IGF1: variants seen among roughly 807,000 people sequenced by gnomAD.
IGF1 encodes insulin-like growth factor 1.
IGF1 carries 4 observed loss-of-function variants against 13.8 expected under a neutral mutation model. That is an observed-to-expected ratio of 0.29 (90% CI 0.14 to 0.66). IGF1 has a LOEUF of 0.66. Ranked by LOEUF, IGF1 falls within the 30% of genes least tolerant of loss-of-function variation. The pLI is 0.78. For synonymous variants in IGF1, 76 were observed against 72.6 expected (o/e 1.05, Z -0.23); for missense variants, 124 against 188.5 (o/e 0.66, Z 2.00).
chr12:102,432,955 GTA>G (rs1876871151), intron 2 of IGF1, among the ~76,000 whole-genome samples: 1 of 152,124 alleles, frequency 6.6e-6, no homozygotes. Context: ...CTTCTCTGGG[GTA>G]GGGAGAGAGG....
chr12:102,474,995 A>G (rs1260586670), intron 2 of IGF1, among the ~76,000 whole-genome samples: 1 of 152,226 alleles, frequency 6.6e-6, no homozygotes, highest in African/African-American at 2.4e-5. Flanking sequence ...GTCCCGGAGA[A>G]GAACTATGCC....
chr12:102,480,585 A>G, upstream of IGF1: 2 of 1,412,894 alleles, frequency 1.4e-6, no homozygotes, highest in Non-Finnish European at 1.8e-6. Context: ...GAAAATCCTC[A>G]CATTTATCTA....
chr12:102,463,123 T>G (rs1428238922), intron 2 of IGF1: 4 of 152,210 alleles, frequency 2.6e-5, no homozygotes, highest in African/African-American at 9.6e-5. Context: ...TTTGGCAGTG[T>G]GGCAGCTGAT....
At chr12:102,426,555 C>T in intron 2 of IGF1, among the ~76,000 whole-genome samples, 1 of 152,142 alleles carries the variant, frequency 6.6e-6, no homozygotes, top group East Asian at 1.9e-4. Context: ...AATGTCCAAA[C>T]TTTATGTTGT....
chr12:102,465,269 G>A (rs555625973), intron 2 of IGF1, among the ~76,000 whole-genome samples: 19 of 152,310 alleles, frequency 1.2e-4, no homozygotes, highest in Non-Finnish European at 2.5e-4. Flanking sequence ...AAGGCAAAAA[G>A]CATCCAATTC....
At chr12:102,469,447 T>C (rs535500216) in intron 2 of IGF1, among the ~76,000 whole-genome samples, 2 of 152,338 alleles carry the variant, frequency 1.3e-5, no homozygotes, top group South Asian at 2.1e-4. Flanking sequence ...TGCAGTGTTC[T>C]GTCTGAATTC....
At chr12:102,403,462 G>A (rs1226925037) in intron 3 of IGF1, among the ~76,000 whole-genome samples, 2 of 151,174 alleles carry the variant, frequency 1.3e-5, no homozygotes, top group Admixed American at 6.6e-5. Context: ...GGATAGTGAG[G>A]GTTTTTTTTT....
At chr12:102,424,240 T>C (rs1358753133) in intron 2 of IGF1, among the ~76,000 whole-genome samples, 9 of 92,812 alleles carry the variant, frequency 9.7e-5, no homozygotes, top group South Asian at 3.7e-4. Context: ...AGTTGATCCC[T>C]TTTTTTTTTT....
At chr12:102,481,347 C>CTGTGTG (rs3033407), upstream of IGF1, among the ~76,000 whole-genome samples, 382 of 140,368 alleles carry the variant, frequency 2.7e-3, 2 homozygotes, top group African/African-American at 7.5e-3. Flanking sequence ...TAACTCAAAC[C>CTGTGTG]TGTGTGTGTG....
intron 3 of IGF1, among the ~76,000 whole-genome samples, chr12:102,411,077 A>G (rs1301047597): frequency 2.0e-5 from 3 of 152,252 alleles, no homozygotes; most frequent in Non-Finnish European, 4.4e-5. Flanking sequence ...GTTCTTTTGA[A>G]GAAGAAAACA....
chr12:102,426,581 T>C (rs575451360), intron 2 of IGF1, among the ~76,000 whole-genome samples: 17 of 152,350 alleles, frequency 1.1e-4, no homozygotes, highest in South Asian at 1.0e-3. Flanking sequence ...CTGGTCTGAA[T>C]AGTTTTAATC....
At chr12:102,421,955 T>C (rs1443937570) in intron 2 of IGF1, among the ~76,000 whole-genome samples, 1 of 152,146 alleles carries the variant, frequency 6.6e-6, no homozygotes, top group Non-Finnish European at 1.5e-5. Flanking sequence ...TTGGTGACTG[T>C]AAACAACCAT....
At chr12:102,415,562 C>CCTTCCTTCCGTCCTTCCTTCCTT (rs1366296654) in intron 3 of IGF1, 12 of 139,192 alleles carry the variant, frequency 8.6e-5, no homozygotes, top group Admixed American at 5.1e-4. Flanking sequence ...TTCCTTCCTT[C>CCTTCCTTCCGTCCTTCCTTCCTT]CTTCCTTCCT....
intron 2 of IGF1, among the ~76,000 whole-genome samples, chr12:102,423,897 T>C (rs1345816674): frequency 6.6e-6 from 1 of 152,172 alleles, no homozygotes; most frequent in Non-Finnish European, 1.5e-5. Flanking sequence ...TGGTTGTTCA[T>C]CACTGGCAAA....
At chr12:102,428,238 A>G (rs1004409162) in intron 2 of IGF1, among the ~76,000 whole-genome samples, 1 of 136,444 alleles carries the variant, frequency 7.3e-6, no homozygotes, top group Non-Finnish European at 1.6e-5. Context: ...AATAATGTGT[A>G]TATATATATA....
intron 2 of IGF1, among the ~76,000 whole-genome samples, chr12:102,456,101 A>G (rs932891911): frequency 2.0e-5 from 3 of 152,154 alleles, no homozygotes; most frequent in Admixed American, 2.0e-4. Context: ...CCCTCACAGA[A>G]AGCAGAATTT....
At chr12:102,428,186 C>A (rs1876382149) in intron 2 of IGF1, among the ~76,000 whole-genome samples, 1 of 130,386 alleles carries the variant, frequency 7.7e-6, no homozygotes, top group Non-Finnish European at 1.6e-5. Flanking sequence ...AAAAAGATGA[C>A]CCTAAATATC....
intron 2 of IGF1, among the ~76,000 whole-genome samples, chr12:102,467,701 A>G (rs1049287362): frequency 6.6e-5 from 10 of 152,212 alleles, no homozygotes; most frequent in Non-Finnish European, 1.5e-4. Flanking sequence ...AACAAGATCT[A>G]TGCTCATTTG....
At chr12:102,446,297 G>C (rs984319377) in intron 2 of IGF1, among the ~76,000 whole-genome samples, 1 of 152,130 alleles carries the variant, frequency 6.6e-6, no homozygotes, top group Non-Finnish European at 1.5e-5. Flanking sequence ...AGACGGAATG[G>C]TACCAGCTCC....
Sources: allele counts gnomAD v4.1 joint callset (sites outside exome capture counted in the v4.1 genomes callset), GRCh38; gene constraint gnomAD v4.1.1; transcripts MANE v1.5; gene names NCBI Gene and HGNC (gene_info 2026-07-23, HGNC 2026-07-21).